CEP192: variants seen among roughly 807,000 people sequenced by gnomAD.
The protein encoded by CEP192 is centrosomal protein of 192 kDa.
CEP192 carries 151 observed loss-of-function variants against 271.8 expected under a neutral mutation model. That is an observed-to-expected ratio of 0.56 (90% CI 0.49 to 0.64). CEP192 has a LOEUF of 0.64. Ranked by LOEUF, CEP192 falls within the 30% of genes least tolerant of loss-of-function variation. The probability of loss-of-function intolerance (pLI) is 0.00; values close to 1 mark genes in which losing one functional copy is unlikely to be tolerated. For synonymous variants in CEP192, 995 were observed against 1,076.5 expected (o/e 0.92, Z 1.48); for missense variants, 2,910 against 3,020.5 (o/e 0.96, Z 0.86).
At chr18:13,124,104 G>GT (rs2145191485) in intron 44 of CEP192, among the ~76,000 whole-genome samples, 1 of 152,176 alleles carries the variant, frequency 6.6e-6, no homozygotes, top group East Asian at 1.9e-4. Flanking sequence ...AAGTTGCAGT[G>GT]AGTCAAGATC....
At chr18:13,115,419 T>C (rs750541992) in intron 42 of CEP192, among the ~76,000 whole-genome samples, 6 of 151,728 alleles carry the variant, frequency 4.0e-5, no homozygotes, top group African/African-American at 1.5e-4. Flanking sequence ...AGAAGTTCAG[T>C]GTGAAAGGGG....
intron 44 of CEP192, among the ~76,000 whole-genome samples, chr18:13,122,599 AAAGG>A (rs2040720367): frequency 6.6e-6 from 1 of 152,136 alleles, no homozygotes; most frequent in African/African-American, 2.4e-5. Flanking sequence ...AAATGTTTTG[AAAGG>A]AAGGAAGGAA....
rs879105875 is a variant in CEP192 at position 13,100,183 on chromosome 18, T to C, written c.6664-122T>C. ...TGAGATCTAAATAAACTTTAATTCC[T>C]AAATTTATTGATGTTTTGTTTGTTT... On this transcript the variant is annotated intron_variant, in intron 37 of 44. Transcript: ENST00000506447. 1.2e-5 allele frequency: 8 copies of C among 679,556 alleles called. No homozygotes were observed. The Admixed American group carries it at 2.2e-4, about 19-fold the overall frequency. 42.1% of individuals were successfully genotyped at this position (679,556 alleles called of 1,614,324 possible). A position where few individuals can be genotyped will look rare whatever the true frequency, so the allele number is the denominator to read the frequency against.
chr18:13,038,266 A>T, intron 12 of CEP192, 104 bp from the exon 13 acceptor site: 2 of 934,708 alleles, frequency 2.1e-6, no homozygotes, highest in Non-Finnish European at 3.2e-6. Context: ...TTTCAAAATT[A>T]CTTTTTAAAT....
At chr18:13,082,432 C>CTTTTTTTTT in intron 30 of CEP192, among the ~76,000 whole-genome samples, 1 of 49,940 alleles carries the variant, frequency 2.0e-5, no homozygotes, top group Non-Finnish European at 3.5e-5. Flanking sequence ...GCAACCCCTG[C>CTTTTTTTTT]TTTTTTTTTT....
intron 6 of CEP192, 86 bp from the exon 7 acceptor site, chr18:13,017,102 T>A (rs1327969531): frequency 4.7e-6 from 5 of 1,059,164 alleles, no homozygotes; most frequent in Non-Finnish European, 6.6e-6. Context: ...TTGACTCATT[T>A]ATGTCTTATC....
chr18:13,033,533 A>G (rs2035748901), intron 11 of CEP192, among the ~76,000 whole-genome samples: 1 of 152,248 alleles, frequency 6.6e-6, no homozygotes, highest in African/African-American at 2.4e-5. Context: ...CGCATGTACT[A>G]TCCTGTAACC....
rs2144692125 is a variant in CEP192 at position 13,087,092 on chromosome 18, G to T, written c.5692G>T (p.Val1898Leu). Residue 1898 changes from valine to leucine, a missense_variant, in exon 31 of 45, where the codon GTA (valine) becomes TTA (leucine). By Grantham distance (32) the Val-to-Leu change is conservative. Coordinates refer to ENST00000506447, the MANE Select transcript of CEP192 (RefSeq NM_032142.4). ...TAAAAAATTATCTGACAGTTACATG[G>T]TAACAGTGAATGGCTTAGTACCTGG... ...GVKKLSDSYM[V>L]TVNGLVPGKE... 1 of 1,613,716 alleles carries T rather than the reference G, an allele frequency of 6.2e-7. No individual in the cohort carries two copies. Among genetic ancestry groups the T allele is most frequent in the South Asian group, 1.1e-5 (1 of 91,072 alleles).
At chr18:13,068,047 C>T in intron 22 of CEP192, 47 bp from the exon 23 acceptor site, 1 of 1,608,706 alleles carries the variant, frequency 6.2e-7, no homozygotes, top group East Asian at 2.2e-5. Context: ...GCAAACTTAG[C>T]ATTACACTGT....
chr18:13,023,147 T>G (rs932292913), intron 9 of CEP192, among the ~76,000 whole-genome samples: 1 of 152,200 alleles, frequency 6.6e-6, no homozygotes, highest in Non-Finnish European at 1.5e-5. Context: ...CTTCCCAATC[T>G]ATATACATTT....
intron 40 of CEP192, among the ~76,000 whole-genome samples, chr18:13,107,648 A>G (rs573646439): frequency 6.6e-6 from 1 of 152,228 alleles, no homozygotes; most frequent in Non-Finnish European, 1.5e-5. Flanking sequence ...TCTTCAGCAT[A>G]TGCCCAAGGT....
intron 1 of CEP192, among the ~76,000 whole-genome samples, chr18:12,991,676 G>A (rs1261848813): frequency 6.6e-6 from 1 of 152,264 alleles, no homozygotes; most frequent in Non-Finnish European, 1.5e-5. Flanking sequence ...ACGCCTCTGT[G>A]TCATCGGGCT....
At position 13,124,715 on chromosome 18, in the gene CEP192, A is replaced by G. The variant is rs765715771; in HGVS notation, c.7559A>G (p.Asp2520Gly). 4 of 1,613,904 alleles carry G rather than the reference A, an allele frequency of 2.5e-6. No homozygotes were observed. Among genetic ancestry groups the G allele is most frequent in the Non-Finnish European group, 2.5e-6 (3 of 1,179,940 alleles). The change falls in exon 45 of 45, where the codon GAT (aspartate) becomes GGT (glycine). Residue 2520 changes from aspartate to glycine, a missense_variant. Asp to Gly is a moderately conservative substitution (Grantham distance 94, BLOSUM62 -1). Transcript: ENST00000506447. The part of the protein sequence containing the change: ...KFEALLVIQT[D>G]EGKSIAIRLI... ...GAAGCTTTGCTTGTCATTCAAACAG[A>G]TGAAGGCAAGAGTATTGCTATTCGA...
intron 11 of CEP192, among the ~76,000 whole-genome samples, chr18:13,033,850 G>A (rs1212795962): frequency 6.6e-6 from 1 of 152,148 alleles, no homozygotes; most frequent in Non-Finnish European, 1.5e-5. Context: ...AGGGGAGGAT[G>A]TACATACAGA....
At chr18:13,037,196 G>T in intron 11 of CEP192, 41 bp from the exon 12 acceptor site, 1 of 795,684 alleles carries the variant, frequency 1.3e-6, no homozygotes, top group South Asian at 1.6e-5. Context: ...TGTTTGTTTA[G>T]GCATTAGTGT....
At chr18:13,068,029 T>C (rs2037805119) in intron 22 of CEP192, 65 bp from the exon 23 acceptor site, 24 of 1,602,984 alleles carry the variant, frequency 1.5e-5, no homozygotes, top group Non-Finnish European at 2.0e-5. Context: ...TTTTTAAGGA[T>C]TTTGTTAGCA....
At chr18:13,100,777 G>C (rs915263676) in intron 38 of CEP192, among the ~76,000 whole-genome samples, 5 of 152,208 alleles carry the variant, frequency 3.3e-5, no homozygotes, top group Admixed American at 3.3e-4. Flanking sequence ...ACTGTCACCA[G>C]ATCTTGACCA....
At chr18:13,121,630 T>C (rs1428418087) in intron 44 of CEP192, among the ~76,000 whole-genome samples, 2 of 152,278 alleles carry the variant, frequency 1.3e-5, no homozygotes, top group African/African-American at 4.8e-5. Context: ...CTCTTTCTTA[T>C]ATCTTTTTTA....
intron 34 of CEP192, among the ~76,000 whole-genome samples, chr18:13,094,291 C>T (rs11661802): frequency 0.14 from 20,830 of 152,054 alleles, 1,574 homozygotes; most frequent in East Asian, 0.31. Flanking sequence ...TCCATTGATG[C>T]TTGTTGCCTG....
Sources: gnomAD v4.1 joint callset for allele counts (sites outside exome capture counted in the v4.1 genomes callset) on GRCh38, gnomAD v4.1.1 for gene constraint, MANE v1.5 for transcripts, NCBI Gene and HGNC (gene_info 2026-07-23, HGNC 2026-07-21) for gene names.